Variants in TACC3 observed in about 807,000 individuals in gnomAD.
TACC3 encodes transforming acidic coiled-coil containing protein 3, also known as transforming acidic coiled-coil-containing protein 3.
TACC3 carries 52 observed loss-of-function variants against 86.0 expected under a neutral mutation model. The ratio of observed to expected loss-of-function variants is 0.60; its 90% CI spans 0.48 to 0.76. The LOEUF (loss-of-function observed/expected upper bound fraction) is 0.76, where lower values mean the gene tolerates loss of function less well. Among genes scored for constraint, TACC3 ranks in the 30% least tolerant of loss-of-function variants. The pLI is 0.00. For missense variants in TACC3, 1,120 were observed against 1,070.4 expected (o/e 1.05, Z -0.65); for synonymous variants, 512 against 430.0 (o/e 1.19, Z -2.36).
At chr4:1,732,219 C>T (rs1212733413) in intron 6 of TACC3, among the ~76,000 whole-genome samples, 6 of 148,596 alleles carry the variant, frequency 4.0e-5, no homozygotes, top group East Asian at 2.0e-4. Context: ...TAAATAAATA[C>T]GGTTTGTCCG....
chr4:1,742,548 GA>G (rs1718644753), intron 13 of TACC3, among the ~76,000 whole-genome samples: 1 of 152,184 alleles, frequency 6.6e-6, no homozygotes, highest in African/African-American at 2.4e-5. Context: ...AACTAGAAAA[GA>G]ATCCCCTTCG....
upstream of TACC3, chr4:1,721,441 G>C (rs543556334): frequency 6.6e-6 from 1 of 152,236 alleles, no homozygotes; most frequent in Non-Finnish European, 1.5e-5. Context: ...GCCCTCCTGC[G>C]GTCCTGCCCC....
intron 4 of TACC3, 130 bp from the exon 5 acceptor site, chr4:1,730,757 C>G: frequency 9.2e-7 from 1 of 1,086,906 alleles, no homozygotes; most frequent in South Asian, 1.3e-5. Context: ...ATGCCTGGCA[C>G]GCTCTAGCTG....
chr4:1,723,339 C>A, intron 1 of TACC3, 82 bp from the exon 2 acceptor site: 2 of 1,467,002 alleles, frequency 1.4e-6, no homozygotes, highest in Non-Finnish European at 1.9e-6. Context: ...GGTCGTGCCC[C>A]TTGCAGCAGC....
chr4:1,738,789 G>A (rs1221519046), intron 10 of TACC3, among the ~76,000 whole-genome samples: 1 of 152,142 alleles, frequency 6.6e-6, no homozygotes, highest in Non-Finnish European at 1.5e-5. Context: ...ATTTTAAAGA[G>A]GGCAGGGTAA....
intron 6 of TACC3, among the ~76,000 whole-genome samples, chr4:1,732,138 A>G (rs1468506596): frequency 6.6e-6 from 1 of 152,222 alleles, no homozygotes; most frequent in African/African-American, 2.4e-5. Context: ...GCACTTGAAT[A>G]CGGTTTGTCT....
intron 6 of TACC3, 86 bp downstream of exon 6, chr4:1,731,387 C>G (rs879231590): frequency 6.7e-7 from 1 of 1,483,386 alleles, no homozygotes; most frequent in Admixed American, 1.9e-5. Context: ...CCTGCATCAT[C>G]GGCAGGTGGT....
chr4:1,729,475 T>C (rs1371206558), intron 4 of TACC3, among the ~76,000 whole-genome samples: 1 of 151,816 alleles, frequency 6.6e-6, no homozygotes, highest in African/African-American at 2.4e-5. Flanking sequence ...GGTTAAGGAG[T>C]GTGAGCCATC....
chr4:1,720,850 G>A (rs1239357301), upstream of TACC3: 33 of 1,565,014 alleles, frequency 2.1e-5, no homozygotes, highest in Non-Finnish European at 2.9e-5. The surrounding 1 kb of genome is among the most constrained non-coding windows in gnomAD (Gnocchi z 4.4). Context: ...CGCAGCCGCC[G>A]GGAAGCTGTC....
chr4:1,736,840 G>A (rs1338860750), intron 8 of TACC3, among the ~76,000 whole-genome samples: 1 of 152,086 alleles, frequency 6.6e-6, no homozygotes, highest in Admixed American at 6.6e-5. Context: ...AGCCTGGGAG[G>A]CAGGGGTTGC....
At chr4:1,737,193 C>A in intron 8 of TACC3, 48 bp from the exon 9 acceptor site, 1 of 1,497,772 alleles carries the variant, frequency 6.7e-7, no homozygotes, top group Non-Finnish European at 9.3e-7. Flanking sequence ...GTGTCCTACT[C>A]AACACTGGGA....
upstream of TACC3, chr4:1,720,891 A>T: frequency 6.7e-7 from 1 of 1,494,508 alleles, no homozygotes; most frequent in East Asian, 2.6e-5. The surrounding 1 kb of genome is among the most constrained non-coding windows in gnomAD (Gnocchi z 4.4). Context: ...CGCGCGGACG[A>T]GGCCGCAGCG....
rs145840927 is a variant in TACC3 at position 1,728,252 on chromosome 4, C to T, written c.850C>T (p.Pro284Ser). The part of the protein sequence containing the change: ...GCPAGVGTPV[P>S]ADGTQTLTCA... ...CCCTGCGGGTGTGGGCACCCCCGTG[C>T]CAGCAGATGGCACTCAGACCCTTAC... is the stretch of plus-strand genomic sequence containing the variant. Residue 284 changes from proline to serine, a missense_variant, in exon 4 of 16, where the codon CCA becomes TCA. Coordinates refer to ENST00000313288, the MANE Select transcript of TACC3 (RefSeq NM_006342.3). The T allele has an allele frequency of 5.6e-4, 911 of 1,612,458 alleles. 2 individuals carry two copies. Among genetic ancestry groups the T allele is most frequent in the Non-Finnish European group, 7.5e-4 (882 of 1,179,952 alleles).
At position 1,726,402 on chromosome 4, in the gene TACC3, C is replaced by T. The variant is rs1302443427; in HGVS notation, c.306-1306C>T. Among the ~76,000 whole-genome samples, 4 of 152,184 alleles carry T rather than the reference C, an allele frequency of 2.6e-5. No homozygotes were observed. The East Asian group carries it at 7.7e-4, about 29-fold the overall frequency. On this transcript the variant is annotated intron_variant, in intron 3 of 15. Transcript: ENST00000313288. The stretch of plus-strand genomic sequence containing the variant: ...ACTTGAAGGGGAAAGCAGATTCATG[C>T]AGAAAACCTTTGTTTACCACGCCCC...
At chr4:1,731,053 G>A (rs1445678094) in intron 5 of TACC3, 91 bp downstream of exon 5, 37 of 1,595,576 alleles carry the variant, frequency 2.3e-5, no homozygotes, top group Middle Eastern at 1.7e-4. Context: ...CTTGGGTGAC[G>A]GGGTGGGATG....
At chr4:1,720,747 G>A (rs780884203), upstream of TACC3, 12 of 1,579,426 alleles carry the variant, frequency 7.6e-6, no homozygotes, top group Non-Finnish European at 1.0e-5. The surrounding 1 kb of genome is among the most constrained non-coding windows in gnomAD (Gnocchi z 4.4). Flanking sequence ...TGCACCGTGA[G>A]CCCCGCCGCG....
chr4:1,723,913 C>G (rs896432711), intron 3 of TACC3, 43 bp downstream of exon 3: 3 of 1,604,498 alleles, frequency 1.9e-6, no homozygotes, highest in Non-Finnish European at 2.6e-6. Context: ...TTCACCCTCT[C>G]TGTCCGATGG....
rs76051891 is a variant in TACC3 at position 1,739,974 on chromosome 4, G to T, written c.2034G>T (p.Arg678Ser). 6.2e-7 allele frequency: 1 copy of T among 1,613,126 alleles called. No homozygotes were observed. Among genetic ancestry groups the T allele is most frequent in the South Asian group, 1.1e-5 (1 of 91,088 alleles). ...KNLELGKIMD[R>S]FEEVVYQAME... ...CCTCCCACAGGAAGATCATGGACAG[G>T]TTCGAAGAGGTTGTGTACCAGGCCA... is the stretch of plus-strand genomic sequence containing the variant. The change falls in exon 12 of 16, where the codon AGG becomes AGT. Residue 678 changes from arginine (R) to serine (S), a missense_variant. Transcript: ENST00000313288.
chr4:1,728,780 C>T lies in TACC3; in HGVS notation c.1378C>T (p.Leu460=). Reference sequence around the variant, plus strand: ...TGCCACGGAGGAGCCAGGTCCCTGTCTGAGCCAGTAAGTGTGAGGATGGGA... The same window carrying T: ...TGCCACGGAGGAGCCAGGTCCCTGTTTGAGCCAGTAAGTGTGAGGATGGGA... ...GPATEEPGPC[L]SQQLHSASAE... is the part of the protein sequence containing the mutation. Residue 460 remains leucine, a synonymous_variant, in exon 4 of 16, where the codon CTG becomes TTG. Coordinates refer to ENST00000313288, the MANE Select transcript of TACC3 (RefSeq NM_006342.3). The T allele has an allele frequency of 6.2e-7, 1 of 1,604,268 alleles. No homozygotes were observed. The highest frequency in any genetic ancestry group is 8.5e-7 in the Non-Finnish European group (1 of 1,176,394).
Sources: gnomAD v4.1 joint callset for allele counts (sites outside exome capture counted in the v4.1 genomes callset) on GRCh38, gnomAD v4.1.1 for gene constraint, Gnocchi (gnomAD v3.1) non-coding constraint, MANE v1.5 for transcripts, NCBI Gene and HGNC (gene_info 2026-07-23, HGNC 2026-07-21) for gene names.